The following PTPN14 variants were observed in gnomAD, a reference collection of about 807,000 sequenced individuals.
PTPN14 encodes tyrosine-protein phosphatase non-receptor type 14.
In PTPN14, 53 loss-of-function variants were observed where a neutral mutation model predicts 126.8. That is an observed-to-expected ratio of 0.42 (90% CI 0.34 to 0.53). The LOEUF (loss-of-function observed/expected upper bound fraction) is 0.53, where lower values mean the gene tolerates loss of function less well. Among genes scored for constraint, PTPN14 ranks in the 20% least tolerant of loss-of-function variants. The pLI is 0.08. For synonymous variants in PTPN14, 630 were observed against 599.3 expected (o/e 1.05, Z -0.75); for missense variants, 1,257 against 1,552.9 (o/e 0.81, Z 3.20).
intron 1 of PTPN14, among the ~76,000 whole-genome samples, chr1:214,493,429 G>A (rs1373011822): frequency 6.6e-6 from 1 of 152,004 alleles, no homozygotes; most frequent in Admixed American, 6.5e-5. Context: ...TGAGGGGATG[G>A]GTACCCCATT....
Position 214,386,772 on chromosome 1 carries a change from TAAAGCC to T in PTPN14, c.1066+66_1066+71del. ...GAAAGCATCCCTGTCATCTTTTTTT[TAAAGCC>T]TTCTTTACTGCTTACTGGTATTCAA... On this transcript the variant is annotated intron_variant, in intron 12 of 18. Transcript: ENST00000366956. The T allele has an allele frequency of 3.6e-6, 5 of 1,394,638 alleles. No individual in the cohort carries two copies. In the Admixed American group the frequency reaches 8.0e-5, roughly 22 times the overall value. 86.4% of individuals were successfully genotyped at this position (1,394,638 alleles called of 1,614,324 possible).
chr1:214,381,201 A>G (rs1207714506), intron 13 of PTPN14, among the ~76,000 whole-genome samples: 1 of 152,240 alleles, frequency 6.6e-6, no homozygotes, highest in Non-Finnish European at 1.5e-5. Context: ...TAATACGAGT[A>G]ACAAGAGAAG....
At chr1:214,533,025 C>T in intron 1 of PTPN14, 1 of 752,034 alleles carries the variant, frequency 1.3e-6, no homozygotes, top group Non-Finnish European at 2.4e-6. Context: ...CAGTGGTCAC[C>T]ACCCAGTCCG....
chr1:214,503,338 C>A (rs1654755537), intron 1 of PTPN14, among the ~76,000 whole-genome samples: 1 of 152,090 alleles, frequency 6.6e-6, no homozygotes, highest in Non-Finnish European at 1.5e-5. Flanking sequence ...ACGTTGACTT[C>A]TTTTTTAGAT....
chr1:214,477,035 G>GA (rs1457919985), intron 1 of PTPN14, among the ~76,000 whole-genome samples: 1 of 152,130 alleles, frequency 6.6e-6, no homozygotes, highest in Non-Finnish European at 1.5e-5. Context: ...ATCACTAAGA[G>GA]AAAAAATATG....
intron 1 of PTPN14, among the ~76,000 whole-genome samples, chr1:214,506,108 G>A (rs545779507): frequency 7.2e-4 from 109 of 152,264 alleles, no homozygotes; most frequent in African/African-American, 2.4e-3. Context: ...GATTACTAAG[G>A]AAAGGAAACT....
intron 1 of PTPN14, among the ~76,000 whole-genome samples, chr1:214,471,101 GACTTTC>G (rs899355673): frequency 6.8e-6 from 1 of 146,050 alleles, no homozygotes; most frequent in African/African-American, 2.5e-5. Context: ...TAAAGACTTA[GACTTTC>G]ACCTTTCCGT....
At chr1:214,543,173 A>T (rs1434319786) in intron 1 of PTPN14, among the ~76,000 whole-genome samples, 4 of 152,218 alleles carry the variant, frequency 2.6e-5, no homozygotes, top group South Asian at 2.1e-4. Flanking sequence ...GATACAAAAG[A>T]CAATAATGCA....
At chr1:214,520,993 A>T (rs1655240561) in intron 1 of PTPN14, among the ~76,000 whole-genome samples, 1 of 152,150 alleles carries the variant, frequency 6.6e-6, no homozygotes, top group African/African-American at 2.4e-5. Context: ...ACAGATTCAC[A>T]ATGCCTAACA....
chr1:214,541,357 T>C (rs1267072632), intron 1 of PTPN14, among the ~76,000 whole-genome samples: 1 of 152,148 alleles, frequency 6.6e-6, no homozygotes, highest in East Asian at 1.9e-4. Flanking sequence ...CCAAGAGATG[T>C]TTAGGGGAGA....
chr1:214,509,856 G>A (rs1286626380), intron 1 of PTPN14, among the ~76,000 whole-genome samples: 1 of 152,206 alleles, frequency 6.6e-6, no homozygotes, highest in Non-Finnish European at 1.5e-5. Flanking sequence ...GATGAAGCTG[G>A]AAACTATCAT....
At chr1:214,524,721 A>G (rs1473838019) in intron 1 of PTPN14, among the ~76,000 whole-genome samples, 2 of 152,064 alleles carry the variant, frequency 1.3e-5, no homozygotes, top group Non-Finnish European at 2.9e-5. Context: ...GAAAGACAAC[A>G]TATCTCCTGT....
intron 13 of PTPN14, among the ~76,000 whole-genome samples, chr1:214,381,397 G>A (rs1468507584): frequency 6.6e-6 from 1 of 152,190 alleles, no homozygotes; most frequent in African/African-American, 2.4e-5. Flanking sequence ...ATTCCATGCT[G>A]GGAAAGCTCT....
In PTPN14 at chr1:214,544,989, G is replaced by A. The variant is rs76831887; in HGVS notation, c.-155+6194C>T. ...AAAGAGGTTAAGCAGGCAGGAAGGG[G>A]TAAGACCACTCTGGGTCTGAATGTA... On this transcript the variant is annotated intron_variant, in intron 1 of 18. Transcript: ENST00000366956. Among the ~76,000 whole-genome samples, 1,069 of 152,104 alleles carry A rather than the reference G, an allele frequency of 7.0e-3. 13 individuals carry two copies. The highest frequency in any genetic ancestry group is 0.024 in the African/African-American group (983 of 41,514).
chr1:214,394,849 C>A (rs371283105), intron 9 of PTPN14, 50 bp downstream of exon 9: 9 of 1,526,526 alleles, frequency 5.9e-6, no homozygotes, highest in Admixed American at 3.4e-5. Flanking sequence ...GTTGAAAAGT[C>A]CAAAAGCCAG....
At chr1:214,490,461 A>G (rs915883929) in intron 1 of PTPN14, among the ~76,000 whole-genome samples, 2 of 152,192 alleles carry the variant, frequency 1.3e-5, no homozygotes, top group East Asian at 3.9e-4. Context: ...CTTTGGCTAT[A>G]AATAGGACAA....
At chr1:214,518,439 A>G (rs1655161941) in intron 1 of PTPN14, among the ~76,000 whole-genome samples, 1 of 152,256 alleles carries the variant, frequency 6.6e-6, no homozygotes, top group Non-Finnish European at 1.5e-5. Flanking sequence ...TAAATATGTT[A>G]CATTACATAA....
chr1:214,533,156 TG>T, intron 1 of PTPN14: 1 of 756,980 alleles, frequency 1.3e-6, no homozygotes. Flanking sequence ...CTGAGGGAGG[TG>T]GAGGTCCGCT....
chr1:214,520,509 C>G (rs1407671362), intron 1 of PTPN14, among the ~76,000 whole-genome samples: 3 of 152,150 alleles, frequency 2.0e-5, no homozygotes, highest in Non-Finnish European at 4.4e-5. Context: ...TTAAATACTT[C>G]AGGATGCCTG....
Sources: gnomAD v4.1 joint callset for allele counts (sites outside exome capture counted in the v4.1 genomes callset) on GRCh38, gnomAD v4.1.1 for gene constraint, MANE v1.5 for transcripts, NCBI Gene and HGNC (gene_info 2026-07-23, HGNC 2026-07-21) for gene names.